The following TBX18 variants were observed in gnomAD, a reference collection of about 807,000 sequenced individuals.
TBX18 encodes T-box transcription factor 18, also known as T-box transcription factor TBX18.
In TBX18, 21 loss-of-function variants were observed where a neutral mutation model predicts 55.0. That is an observed-to-expected ratio of 0.38 (90% CI 0.27 to 0.55). TBX18 has a LOEUF of 0.55. TBX18 is among the 20% of genes least tolerant of loss of function. The pLI, the probability that TBX18 is intolerant of heterozygous loss-of-function variation, is 0.73. For missense variants in TBX18, 840 were observed against 799.6 expected, an observed-to-expected ratio of 1.05 and a Z score of -0.61; for synonymous variants, 342 against 326.1, an observed-to-expected ratio of 1.05 and a Z score of -0.53.
At chr6:84,744,164 G>A (rs926518789) in intron 6 of TBX18, 97 bp downstream of exon 6, 8 of 1,068,316 alleles carry the variant, frequency 7.5e-6, no homozygotes, top group African/African-American at 3.2e-5. Flanking sequence ...TTTCAATATC[G>A]TATTAGTAAA....
intron 1 of TBX18, chr6:84,763,258 C>G (rs151236661): frequency 4.9e-4 from 189 of 382,848 alleles, no homozygotes; most frequent in African/African-American, 3.6e-3. Flanking sequence ...TCTTTTGGGC[C>G]GGGCCGGAGG....
intron 4 of TBX18, among the ~76,000 whole-genome samples, chr6:84,749,293 A>C (rs980094232): frequency 6.6e-6 from 1 of 152,174 alleles, no homozygotes; most frequent in Admixed American, 6.5e-5. Context: ...TTTATAGAAC[A>C]AATGTTTACA....
At chr6:84,740,110 G>C (rs770480436) in intron 6 of TBX18, among the ~76,000 whole-genome samples, 1 of 152,142 alleles carries the variant, frequency 6.6e-6, no homozygotes, top group Non-Finnish European at 1.5e-5. Context: ...GCACTTCAAA[G>C]AGATGTCTGC....
intron 3 of TBX18, among the ~76,000 whole-genome samples, chr6:84,757,888 T>C (rs995462120): frequency 1.3e-5 from 2 of 152,156 alleles, no homozygotes; most frequent in Admixed American, 6.5e-5. Flanking sequence ...AAGATTAGCA[T>C]ACAATTTAAA....
Position 84,756,884 on chromosome 6 carries a change from C to G in TBX18, c.600-15G>C, listed in dbSNP as rs752644839. On this transcript the variant is annotated splice_polypyrimidine_tract_variant and intron_variant, in intron 3 of 7. Transcript: ENST00000369663. The stretch of plus-strand genomic sequence containing the variant: ...GGTAAACATACCTAGAAGGCAATGA[C>G]CAGGCGTTCAGTATACTGTTTTTAT... 1.2e-6 allele frequency: 2 copies of G among 1,612,904 alleles called. No homozygotes were observed. The highest frequency in any genetic ancestry group is 4.5e-5 in the East Asian group (2 of 44,854).
chr6:84,750,069 A>G (rs1437867769), intron 4 of TBX18, among the ~76,000 whole-genome samples: 1 of 152,120 alleles, frequency 6.6e-6, no homozygotes, highest in African/African-American at 2.4e-5. Context: ...GTGGATCACA[A>G]GGTCAAGAGA....
At chr6:84,739,053 G>C (rs907634968) in intron 6 of TBX18, among the ~76,000 whole-genome samples, 1 of 152,082 alleles carries the variant, frequency 6.6e-6, no homozygotes, top group Non-Finnish European at 1.5e-5. Context: ...CCCATCATTT[G>C]GTGCCTCAGC....
intron 1 of TBX18, 66 bp downstream of exon 1, chr6:84,763,824 C>A: frequency 7.0e-7 from 1 of 1,436,384 alleles, no homozygotes; most frequent in Non-Finnish European, 9.1e-7. Context: ...GCACGCACAC[C>A]CACAGACTCG....
chr6:84,740,029 A>G (rs952330305), intron 6 of TBX18, among the ~76,000 whole-genome samples: 1 of 152,190 alleles, frequency 6.6e-6, no homozygotes, highest in South Asian at 2.1e-4. Flanking sequence ...ATGCACAAAC[A>G]CACCTCATGA....
At chr6:84,761,998 A>G (rs1361661981) in intron 2 of TBX18, among the ~76,000 whole-genome samples, 1 of 152,208 alleles carries the variant, frequency 6.6e-6, no homozygotes, top group Non-Finnish European at 1.5e-5. Context: ...GGGTGAGTCC[A>G]GTGACTTTTC....
At chr6:84,749,634 G>T (rs1767289231) in intron 4 of TBX18, among the ~76,000 whole-genome samples, 1 of 152,008 alleles carries the variant, frequency 6.6e-6, no homozygotes. Flanking sequence ...ATCATCACCT[G>T]AGGACACAAG....
At chr6:84,739,585 C>G (rs927103642) in intron 6 of TBX18, among the ~76,000 whole-genome samples, 1 of 152,076 alleles carries the variant, frequency 6.6e-6, no homozygotes, top group Non-Finnish European at 1.5e-5. Context: ...ATCTAGGTAA[C>G]ATTACACTTT....
chr6:84,755,855 C>A (rs764221125), intron 4 of TBX18, among the ~76,000 whole-genome samples: 9 of 152,192 alleles, frequency 5.9e-5, no homozygotes, highest in Non-Finnish European at 1.2e-4. Flanking sequence ...TGACAACTTA[C>A]ATTTTGTTTT....
intron 2 of TBX18, 24 bp downstream of exon 2, chr6:84,762,520 C>T (rs1190812489): frequency 1.2e-6 from 2 of 1,613,280 alleles, no homozygotes; most frequent in Non-Finnish European, 1.7e-6. Flanking sequence ...TAGGGAGGGG[C>T]GTCCACGCCA....
Position 84,735,413 on chromosome 6 carries a change from C to T in TBX18, c.*1272G>A, listed in dbSNP as rs987820167. On this transcript the variant is annotated 3_prime_UTR_variant, in exon 8 of 8. Transcript: ENST00000369663. The stretch of plus-strand genomic sequence containing the variant: ...GTTAAAAGTTTTATAGTTCCTTTAT[C>T]ATAATTAGTATCTTCCTTCTTAGTC... The T allele has an allele frequency of 1.3e-5, 2 of 152,130 alleles. 1 individual carries two copies. Among genetic ancestry groups the T allele is most frequent in the Non-Finnish European group, 2.9e-5 (2 of 68,022 alleles). The allele number at this position is 152,130 out of a possible 1,614,324, so 9.4% of individuals were successfully genotyped here. A position where few individuals can be genotyped will look rare whatever the true frequency, so the allele number is the denominator to read the frequency against.
intron 1 of TBX18, chr6:84,763,293 C>G: frequency 2.3e-6 from 1 of 437,466 alleles, no homozygotes; most frequent in Non-Finnish European, 4.6e-6. Flanking sequence ...CTCTTCAGAC[C>G]CCGCTTTCGC....
intron 4 of TBX18, among the ~76,000 whole-genome samples, chr6:84,748,612 G>A (rs1767259847): frequency 6.6e-6 from 1 of 152,168 alleles, no homozygotes; most frequent in Non-Finnish European, 1.5e-5. Flanking sequence ...GGCTCACAAA[G>A]TCTCTGGTTT....
In TBX18 at chr6:84,736,729, T is replaced by C. The variant is rs774794441; in HGVS notation, c.1780A>G (p.Ser594Gly). 4 of 1,598,562 alleles carry C rather than the reference T, an allele frequency of 2.5e-6. No individual in the cohort carries two copies. Among genetic ancestry groups the C allele is most frequent in the Admixed American group, 3.6e-5 (2 of 56,284 alleles). Residue 594 changes from serine to glycine, a missense_variant, in exon 8 of 8, where the codon AGC (serine) becomes GGC (glycine). Physicochemically the swap from Ser to Gly is moderately conservative, Grantham distance 56. Transcript: ENST00000369663. ...QSFFDSRTLG[S>G]LTLSSSQVSA... The stretch of plus-strand genomic sequence containing the variant: ...ACTTGAGATGATGACAGAGTTAAGC[T>C]TCCTAGGGTCCTAGAGTCAAAGAAA...
In TBX18 at chr6:84,762,672, C is replaced by T. The variant is rs771906442; in HGVS notation, c.369G>A (p.Ala123=). ...SPGGSPKGSP[A]RSLARPGTPL... is the part of the protein sequence containing the mutation. ...GGGTCCCGGGCCGGGCCAGGGAGCG[C>T]GCCGGAGACCCCTTGGGGGAGCCTC... Residue 123 remains alanine (A), a synonymous_variant, in exon 2 of 8, where the codon GCG becomes GCA. Transcript: ENST00000369663. 25 of 1,609,754 alleles carry T rather than the reference C, an allele frequency of 1.6e-5. No individual in the cohort carries two copies. The highest frequency in any genetic ancestry group is 2.0e-5 in the Non-Finnish European group (24 of 1,178,458).
Sources: gnomAD v4.1 joint callset for allele counts (sites outside exome capture counted in the v4.1 genomes callset) on GRCh38, gnomAD v4.1.1 for gene constraint, MANE v1.5 for transcripts, NCBI Gene and HGNC (gene_info 2026-07-23, HGNC 2026-07-21) for gene names.